INSC: variants seen among roughly 807,000 people sequenced by gnomAD.
INSC encodes protein inscuteable homolog.
INSC carries 67 observed loss-of-function variants against 58.6 expected under a neutral mutation model. The ratio of observed to expected loss-of-function variants is 1.14; its 90% CI spans 0.94 to 1.40. INSC has a LOEUF of 1.40. INSC is among the 40% of genes most tolerant of loss of function. The pLI, the probability that INSC is intolerant of heterozygous loss-of-function variation, is 0.00. For synonymous variants in INSC, 262 were observed against 276.1 expected (o/e 0.95, Z 0.51); for missense variants, 714 against 692.0 (o/e 1.03, Z -0.36).
Position 15,245,995 on chromosome 11 carries a change from G to A in INSC, c.1554G>A (p.Val518=), listed in dbSNP as rs753133771. 4 of 1,614,172 alleles carry A rather than the reference G, an allele frequency of 2.5e-6. No homozygotes were observed. The highest frequency in any genetic ancestry group is 2.2e-5 in the South Asian group (2 of 91,080). ...DFQQLVQPRL[V]DSFLLCSNME... ...AGCAGTTGGTCCAGCCTCGGCTGGT[G>A]GACTCCTTCTTACTCTGCAGCAACA... The change falls in exon 13 of 13, where the codon GTG becomes GTA. Residue 518 remains valine (V), a synonymous_variant. Coordinates refer to ENST00000379556, the MANE Select transcript of INSC (RefSeq NM_001042536.3).
intron 1 of INSC, among the ~76,000 whole-genome samples, chr11:15,132,485 C>G (rs1022184621): frequency 2.0e-5 from 3 of 152,124 alleles, no homozygotes; most frequent in Admixed American, 6.5e-5. Context: ...GGAGCCTGCA[C>G]TATGTTGCCC....
At chr11:15,146,143 T>C (rs1209158100) in intron 1 of INSC, among the ~76,000 whole-genome samples, 1 of 152,262 alleles carries the variant, frequency 6.6e-6, no homozygotes, top group Non-Finnish European at 1.5e-5. Flanking sequence ...AAATATTAGC[T>C]GTAATTATTA....
At chr11:15,190,141 C>A (rs909511118) in intron 5 of INSC, among the ~76,000 whole-genome samples, 1 of 152,142 alleles carries the variant, frequency 6.6e-6, no homozygotes, top group Admixed American at 6.5e-5. Flanking sequence ...TTGGCCTTAC[C>A]CCACAAGCAG....
intron 9 of INSC, among the ~76,000 whole-genome samples, chr11:15,229,987 ATAT>A (rs1851829381): frequency 3.1e-5 from 1 of 31,892 alleles, no homozygotes; most frequent in African/African-American, 1.4e-4. Flanking sequence ...TATTATATAT[ATAT>A]ATATATATAT....
intron 1 of INSC, among the ~76,000 whole-genome samples, chr11:15,119,230 G>A (rs1847808585): frequency 6.6e-6 from 1 of 152,226 alleles, no homozygotes; most frequent in Non-Finnish European, 1.5e-5. Flanking sequence ...TGCTGTGTGA[G>A]AAGCAGGGAT....
chr11:15,183,003 A>C (rs577044024), intron 5 of INSC, among the ~76,000 whole-genome samples: 1 of 152,160 alleles, frequency 6.6e-6, no homozygotes, highest in Non-Finnish European at 1.5e-5. Context: ...TTAAGCTTCC[A>C]TGAATTATTT....
intron 8 of INSC, among the ~76,000 whole-genome samples, chr11:15,221,951 G>T (rs1851458859): frequency 6.6e-6 from 1 of 152,142 alleles, no homozygotes; most frequent in Non-Finnish European, 1.5e-5. Context: ...AAGGAATGGG[G>T]CCTCAAATTT....
chr11:15,267,915 T>A, the INSC span, among the ~76,000 whole-genome samples: 1 of 152,022 alleles, frequency 6.6e-6, no homozygotes, highest in Non-Finnish European at 1.5e-5. Flanking sequence ...GAAAACAGTT[T>A]GATAATCTTC....
intron 1 of INSC, among the ~76,000 whole-genome samples, chr11:15,144,802 G>A (rs187166726): frequency 5.8e-4 from 89 of 152,350 alleles, no homozygotes; most frequent in Non-Finnish European, 9.1e-4. Context: ...GGTGAGCAAA[G>A]GCTGCTTCTA....
chr11:15,242,905 G>A (rs1157812822), intron 12 of INSC, among the ~76,000 whole-genome samples: 1 of 152,116 alleles, frequency 6.6e-6, no homozygotes, highest in Non-Finnish European at 1.5e-5. Context: ...GATTCTAGAG[G>A]CCTGCACTTT....
intron 12 of INSC, among the ~76,000 whole-genome samples, chr11:15,245,091 C>T (rs982353577): frequency 2.0e-5 from 3 of 152,168 alleles, no homozygotes; most frequent in African/African-American, 7.2e-5. Flanking sequence ...TCCTTACTCT[C>T]GAGGAGCTCA....
intron 1 of INSC, among the ~76,000 whole-genome samples, chr11:15,141,306 G>A (rs1848365973): frequency 6.6e-6 from 1 of 152,184 alleles, no homozygotes. Context: ...AATTAATCAG[G>A]TGGAGGCTTG....
the INSC span, among the ~76,000 whole-genome samples, chr11:15,261,186 C>T: frequency 6.6e-6 from 1 of 152,158 alleles, no homozygotes; most frequent in Admixed American, 6.6e-5. Context: ...TCCTCAACTT[C>T]CTTGTCCTTT....
At chr11:15,218,536 T>C (rs902634925) in intron 7 of INSC, among the ~76,000 whole-genome samples, 1 of 152,178 alleles carries the variant, frequency 6.6e-6, no homozygotes, top group Non-Finnish European at 1.5e-5. Context: ...TTTTATTATT[T>C]GTTAAAACTT....
chr11:15,129,608 G>T (rs1001459825), intron 1 of INSC, among the ~76,000 whole-genome samples: 1 of 152,070 alleles, frequency 6.6e-6, no homozygotes, highest in African/African-American at 2.4e-5. Context: ...ACATGCTAAG[G>T]TTCATTTCTA....
chr11:15,122,274 A>C (rs1847892338), intron 1 of INSC, among the ~76,000 whole-genome samples: 1 of 152,252 alleles, frequency 6.6e-6, no homozygotes. Flanking sequence ...AGGAGGCAAT[A>C]TTTAGACAGA....
At chr11:15,202,483 G>A (rs1850631273) in intron 7 of INSC, among the ~76,000 whole-genome samples, 2 of 152,004 alleles carry the variant, frequency 1.3e-5, no homozygotes, top group African/African-American at 4.8e-5. Context: ...GGAGTGGAGA[G>A]GATGGTGAGA....
chr11:15,194,439 A>G (rs534582957), intron 6 of INSC, among the ~76,000 whole-genome samples: 2 of 152,306 alleles, frequency 1.3e-5, no homozygotes, highest in Admixed American at 6.5e-5. Context: ...GTAAGACCTG[A>G]GAATCTTCAT....
chr11:15,203,360 C>A (rs1490976744), intron 7 of INSC, among the ~76,000 whole-genome samples: 1 of 152,164 alleles, frequency 6.6e-6, no homozygotes, highest in Non-Finnish European at 1.5e-5. Flanking sequence ...GGCCAGATTG[C>A]TTATAATACA....
Sources: allele counts gnomAD v4.1 joint callset (sites outside exome capture counted in the v4.1 genomes callset), GRCh38; gene constraint gnomAD v4.1.1; transcripts MANE v1.5; gene names NCBI Gene and HGNC (gene_info 2026-07-23, HGNC 2026-07-21).